Variants in CENPI observed in about 807,000 individuals in gnomAD.
CENPI encodes centromere protein I, also known as FSH primary response 1.
Under a neutral mutation model 60.4 loss-of-function variants are expected in CENPI, and 4 were observed. That is an observed-to-expected ratio of 0.07 (90% confidence interval 0.03 to 0.15). The LOEUF is 0.15. Among genes scored for constraint, CENPI ranks in the 10% least tolerant of loss-of-function variants. The pLI, the probability that CENPI is intolerant of heterozygous loss-of-function variation, is 1.00. For missense variants in CENPI, 444 were observed against 534.5 expected, an observed-to-expected ratio of 0.83 and a Z score of 1.67; for synonymous variants, 157 against 189.4, an observed-to-expected ratio of 0.83 and a Z score of 1.40.
chrX:101,161,765 G>A (rs759457908), intron 21 of CENPI, among the ~76,000 whole-genome samples, 196 bp downstream of exon 21: 10 of 110,869 alleles, frequency 9.0e-5, no homozygotes, highest in African/African-American at 3.0e-4. Context: ...TCTTATCTAG[G>A]ATATAACTTT....
intron 8 of CENPI, among the ~76,000 whole-genome samples, chrX:101,122,053 C>A (rs1275935040): frequency 9.0e-6 from 1 of 111,091 alleles, no homozygotes; most frequent in African/African-American, 3.3e-5. Flanking sequence ...TATCCATCTG[C>A]CTTGGCCTCC....
chrX:101,155,730 T>C (rs2090046588), intron 20 of CENPI, among the ~76,000 whole-genome samples: 1 of 111,886 alleles, frequency 8.9e-6, no homozygotes, highest in South Asian at 3.7e-4. Flanking sequence ...GCACACAGGC[T>C]TACTAAATTC....
rs879002721 is a variant in CENPI, at chrX:101,120,448, A to G, written c.638A>G (p.Asn213Ser). 8.5e-6 allele frequency: 8 copies of G among 942,082 alleles called. No homozygotes were observed. In the Admixed American group the frequency reaches 1.1e-4, roughly 13 times the overall value. 77.6% of individuals were successfully genotyped at this position (942,082 alleles called of 1,213,427 possible). The change falls in exon 7 of 22, where the codon AAT (asparagine) becomes AGT (serine). Residue 213 changes from asparagine (N) to serine (S), a missense_variant and splice_region_variant. Coordinates refer to ENST00000682095, the MANE Select transcript of CENPI (RefSeq NM_001386188.2). Reference sequence around the variant, plus strand: ...TTATATTTACTTACCAAAAAAGAGAATGGTGAGTATTTTCATTACAGTTGT... The same window carrying G: ...TTATATTTACTTACCAAAAAAGAGAGTGGTGAGTATTTTCATTACAGTTGT... ...HLLYLLTKKE[N>S]VKPFRVRKLL...
rs752856535 is a variant in CENPI, at chrX:101,127,248, T to A, written c.888T>A (p.Asn296Lys). The A allele has an allele frequency of 5.1e-6, 6 of 1,180,316 alleles. No individual in the cohort carries two copies. In the South Asian group the frequency reaches 1.2e-4, roughly 24 times the overall value. Residue 296 changes from asparagine to lysine, a missense_variant, in exon 10 of 22, where the codon AAT becomes AAA. Asn to Lys is a moderately conservative substitution (Grantham distance 94). Coordinates refer to ENST00000682095, the MANE Select transcript of CENPI (RefSeq NM_001386188.2). ...EPLKLMLGPA[N>K]VRPLKRKWNS... ...TGAAGTTGATGTTAGGTCCAGCTAA[T>A]GTTCGTCCTCTAAAAAGAGTAAGTA...
chrX:101,174,403 C>T, the CENPI span, among the ~76,000 whole-genome samples: 1 of 111,935 alleles, frequency 8.9e-6, no homozygotes, highest in Admixed American at 9.5e-5. Context: ...AATGGCAAAA[C>T]ATGGAATCAA....
At chrX:101,154,885 A>G (rs1039125206) in intron 20 of CENPI, among the ~76,000 whole-genome samples, 1 of 111,797 alleles carries the variant, frequency 8.9e-6, no homozygotes, top group African/African-American at 3.2e-5. Context: ...TTATATAGAA[A>G]TGCAATTGAT....
intron 15 of CENPI, among the ~76,000 whole-genome samples, chrX:101,132,899 A>G (rs895615951): frequency 9.0e-6 from 1 of 111,144 alleles, no homozygotes; most frequent in African/African-American, 3.3e-5. Flanking sequence ...ATTTATAGTA[A>G]TAGTCGTTTT....
intron 20 of CENPI, among the ~76,000 whole-genome samples, chrX:101,157,437 C>G (rs763080886): frequency 9.0e-6 from 1 of 110,582 alleles, no homozygotes; most frequent in Admixed American, 9.7e-5. Flanking sequence ...TGCGTGAGCC[C>G]AGGAGTTTGA....
At chrX:101,159,740 G>T (rs1183326379) in intron 20 of CENPI, among the ~76,000 whole-genome samples, 6 of 111,793 alleles carry the variant, frequency 5.4e-5, no homozygotes, top group African/African-American at 1.3e-4. Context: ...GGGATTACAG[G>T]CATGAGCCAC....
intron 13 of CENPI, among the ~76,000 whole-genome samples, chrX:101,131,212 C>T (rs185714467): frequency 3.6e-5 from 4 of 110,492 alleles, no homozygotes; most frequent in Admixed American, 1.9e-4. Flanking sequence ...GGATTTACCA[C>T]GTTGCCCAGG....
intron 3 of CENPI, 144 bp from the exon 4 acceptor site, chrX:101,102,130 T>C: frequency 2.5e-6 from 1 of 399,054 alleles, no homozygotes; most frequent in East Asian, 4.8e-5. Flanking sequence ...TACTTTGGCC[T>C]CCCAAAATGC....
the CENPI span, among the ~76,000 whole-genome samples, chrX:101,178,148 G>A: frequency 2.1e-3 from 239 of 111,182 alleles, 1 homozygote; most frequent in African/African-American, 7.4e-3. Context: ...CCCTGGATAG[G>A]GGCTTCCCTG....
At chrX:101,107,827 C>G (rs1461332647) in intron 4 of CENPI, among the ~76,000 whole-genome samples, 3 of 93,225 alleles carry the variant, frequency 3.2e-5, no homozygotes, top group Non-Finnish European at 4.2e-5. Context: ...TACCACAACA[C>G]TTGGCTAATT....
At chrX:101,174,622 G>C in the CENPI span, among the ~76,000 whole-genome samples, 2 of 109,851 alleles carry the variant, frequency 1.8e-5, no homozygotes, top group African/African-American at 6.6e-5. Flanking sequence ...TTGGGTACTC[G>C]TGGACATAAA....
intron 15 of CENPI, among the ~76,000 whole-genome samples, chrX:101,139,053 T>C (rs5967251): frequency 0.12 from 11,047 of 95,342 alleles, 615 homozygotes; most frequent in Middle Eastern, 0.14. Context: ...CCTCCCAAAG[T>C]GCTGGGATTA....
intron 13 of CENPI, among the ~76,000 whole-genome samples, chrX:101,130,988 A>G (rs376776388): frequency 1.8e-5 from 2 of 110,960 alleles, no homozygotes; most frequent in East Asian, 2.8e-4. Flanking sequence ...ATGTTTGTGG[A>G]ATAATTCTTT....
the CENPI span, among the ~76,000 whole-genome samples, chrX:101,181,280 G>T: frequency 1.8e-5 from 2 of 111,519 alleles, 1 homozygote; most frequent in South Asian, 7.5e-4. Context: ...ATTGCCTTTG[G>T]CTTTTCTGGG....
Position 101,153,033 on chromosome X carries a change from C to T in CENPI, c.2094+4872C>T, listed in dbSNP as rs764942948. On this transcript the variant is annotated intron_variant, in intron 20 of 21. Coordinates refer to ENST00000682095, the MANE Select transcript of CENPI (RefSeq NM_001386188.2). ...TCCAGACTGTTTTCCAAAGTAGCAG[C>T]ACCATTTCACATTCCCATCAGCAGT... Among the ~76,000 whole-genome samples the T allele has an allele frequency of 8.3e-5, 9 of 108,078 alleles. No individual in the cohort carries two copies. In the East Asian group the frequency reaches 2.6e-3, roughly 32 times the overall value. The allele number at this position is 108,078 out of a possible 115,157, so 93.9% of individuals were successfully genotyped here. A position where few individuals can be genotyped will look rare whatever the true frequency, so the allele number is the denominator to read the frequency against.
At position 101,145,134 on chromosome X, in the gene CENPI, A is replaced by G; in HGVS notation, c.1636A>G (p.Thr546Ala). 8.3e-7 allele frequency: 1 copy of G among 1,203,423 alleles called. No homozygotes were observed. Among genetic ancestry groups the G allele is most frequent in the Non-Finnish European group, 1.1e-6 (1 of 888,000 alleles). ...LIHYVGWLST[T>A]AMRLESNNTF... is the part of the protein sequence containing the mutation. ...CCACTATGTAGGGTGGCTATCCACTACTGCAATGCGCTTGGAGAGCAACAA... is the reference window on the plus strand; with the variant it reads ...CCACTATGTAGGGTGGCTATCCACTGCTGCAATGCGCTTGGAGAGCAACAA... The change falls in exon 17 of 22, where the codon ACT (threonine) becomes GCT (alanine). Residue 546 changes from threonine (T) to alanine (A), a missense_variant. Transcript: ENST00000682095.
Sources: allele counts gnomAD v4.1 joint callset (sites outside exome capture counted in the v4.1 genomes callset), GRCh38; gene constraint gnomAD v4.1.1; transcripts MANE v1.5; gene names NCBI Gene and HGNC (gene_info 2026-07-23, HGNC 2026-07-21).